Variants in LINGO1 observed in about 807,000 individuals in gnomAD.
LINGO1 encodes leucine rich repeat and Ig domain containing 1.
A neutral mutation model predicts 37.3 loss-of-function variants in LINGO1; 11 were observed. The observed-to-expected ratio is 0.29, with a 90% CI of 0.19 to 0.49. LINGO1 has a LOEUF of 0.49. Ranked by LOEUF, LINGO1 falls within the 20% of genes least tolerant of loss-of-function variation. The probability of loss-of-function intolerance (pLI) is 0.99; values close to 1 mark genes in which losing one functional copy is unlikely to be tolerated. For synonymous variants in LINGO1, 387 were observed against 403.0 expected, an observed-to-expected ratio of 0.96 and a Z score of 0.48; for missense variants, 585 against 878.2, an observed-to-expected ratio of 0.67 and a Z score of 4.22.
At chr15:77,680,686 C>T (rs2075399891) in intron 2 of LINGO1, among the ~76,000 whole-genome samples, 2 of 152,146 alleles carry the variant, frequency 1.3e-5, no homozygotes, top group Non-Finnish European at 2.9e-5. Flanking sequence ...AGGGCCTGAA[C>T]TTGACTTTAG....
In LINGO1 at chr15:77,665,017, C is replaced by T. The variant is rs115031829; in HGVS notation, c.-13+12072G>A. Among the ~76,000 whole-genome samples the T allele has an allele frequency of 7.7e-3, 1,168 of 152,226 alleles. 23 individuals carry two copies. Among genetic ancestry groups the T allele is most frequent in the African/African-American group, 0.027 (1,126 of 41,546 alleles). On this transcript the variant is annotated intron_variant, in intron 3 of 3. Coordinates refer to the LINGO1 transcript ENST00000559893. ...GTACACACGTGTGCCTGAGCTCATA[C>T]AGAGGTGGGCGCACATCTTGGTATA...
At chr15:77,652,494 G>GTGTGTA (rs1405119503) in intron 3 of LINGO1, among the ~76,000 whole-genome samples, 1 of 142,470 alleles carries the variant, frequency 7.0e-6, no homozygotes, top group African/African-American at 2.6e-5. Context: ...GTGTGTGTGT[G>GTGTGTA]TGTGTGTGTG....
intron 1 of LINGO1, among the ~76,000 whole-genome samples, chr15:77,744,852 A>G (rs1330589938): frequency 6.6e-6 from 1 of 152,126 alleles, no homozygotes; most frequent in Non-Finnish European, 1.5e-5. Flanking sequence ...ACAGTGGCTC[A>G]CGCCTGTAAT....
chr15:77,665,420 T>A (rs2075108336), intron 3 of LINGO1, among the ~76,000 whole-genome samples: 1 of 152,186 alleles, frequency 6.6e-6, no homozygotes, highest in Admixed American at 6.5e-5. Context: ...CCACTGCTTG[T>A]GTGTGACCCT....
At chr15:77,669,238 G>A (rs761719935) in intron 3 of LINGO1, among the ~76,000 whole-genome samples, 19 of 152,330 alleles carry the variant, frequency 1.2e-4, no homozygotes, top group Non-Finnish European at 2.5e-4. Context: ...GCCACTTTGG[G>A]ACATAGAGTG....
intron 3 of LINGO1, chr15:77,646,497 T>C (rs912909215): frequency 4.4e-6 from 2 of 454,434 alleles, no homozygotes; most frequent in Non-Finnish European, 8.9e-6. Flanking sequence ...CCCTCCTCTC[T>C]GCACCCCAAA....
chr15:77,775,774 T>C (rs1460618193), intron 1 of LINGO1, among the ~76,000 whole-genome samples: 1 of 151,582 alleles, frequency 6.6e-6, no homozygotes, highest in Non-Finnish European at 1.5e-5. Context: ...GTCTGAAAAT[T>C]TCTCCCAGCC....
intron 1 of LINGO1, among the ~76,000 whole-genome samples, chr15:77,620,546 G>A (rs1220458009): frequency 3.3e-5 from 5 of 152,270 alleles, no homozygotes; most frequent in African/African-American, 4.8e-5. Flanking sequence ...TGGCCAGCCT[G>A]CTGTGTGACC....
chr15:77,663,446 T>G (rs985954672), intron 3 of LINGO1, among the ~76,000 whole-genome samples: 1 of 152,138 alleles, frequency 6.6e-6, no homozygotes, highest in Admixed American at 6.5e-5. Context: ...ACTGGTGGGG[T>G]AGAACTCCAC....
intron 1 of LINGO1, among the ~76,000 whole-genome samples, chr15:77,623,082 CAG>C (rs2073974603): frequency 3.3e-5 from 5 of 152,352 alleles, no homozygotes; most frequent in Admixed American, 2.0e-4. Context: ...ATCAAAGGAA[CAG>C]AGAGAGCCCA....
intron 1 of LINGO1, among the ~76,000 whole-genome samples, chr15:77,813,536 A>T (rs1225178826): frequency 6.6e-6 from 1 of 152,130 alleles, no homozygotes. Flanking sequence ...CATGGTTTCC[A>T]CCAGGCTGCA....
intron 1 of LINGO1, among the ~76,000 whole-genome samples, chr15:77,618,222 C>T (rs1011584945): frequency 1.3e-5 from 2 of 152,226 alleles, no homozygotes; most frequent in Admixed American, 6.5e-5. Context: ...AGTGAGGACA[C>T]GGGCCACCCC....
Position 77,784,663 on chromosome 15 carries a change from T to C in LINGO1, c.-257+2206A>G, listed in dbSNP as rs192664666. The C allele has an allele frequency of 4.5e-4, 68 of 152,252 alleles. No homozygotes were observed. The East Asian group carries it at 8.7e-3, about 19-fold the overall frequency. 9.4% of individuals were successfully genotyped at this position (152,252 alleles called of 1,614,324 possible). ...ATTTTTCATTGTTTTGAGGAGCTCA[T>C]AGGTTTTAATTTGGAGCTGAGATTT... On this transcript the variant is annotated intron_variant, in intron 1 of 3. Coordinates refer to the LINGO1 transcript ENST00000561686.
intron 1 of LINGO1, among the ~76,000 whole-genome samples, chr15:77,695,428 C>A (rs537351848): frequency 1.2e-4 from 18 of 152,302 alleles, no homozygotes; most frequent in African/African-American, 4.3e-4. Flanking sequence ...CTGGAAGCCA[C>A]CCTCCTGATC....
intron 2 of LINGO1, among the ~76,000 whole-genome samples, chr15:77,723,713 A>T (rs2076073934): frequency 6.6e-6 from 1 of 152,104 alleles, no homozygotes; most frequent in African/African-American, 2.4e-5. Context: ...TGAGCAGCAC[A>T]AAGTGCCACA....
chr15:77,784,422 C>T (rs2076751901), intron 1 of LINGO1, among the ~76,000 whole-genome samples: 2 of 152,258 alleles, frequency 1.3e-5, no homozygotes, highest in African/African-American at 2.4e-5. Context: ...GCCCAGCAAG[C>T]GGCTGATGAG....
At chr15:77,734,737 C>G (rs570389111) in intron 2 of LINGO1, among the ~76,000 whole-genome samples, 1 of 152,062 alleles carries the variant, frequency 6.6e-6, no homozygotes, top group Non-Finnish European at 1.5e-5. Flanking sequence ...GGGCCCCCAG[C>G]GCCTATAACC....
chr15:77,803,678 G>C (rs2076937168), intron 1 of LINGO1, among the ~76,000 whole-genome samples: 1 of 151,860 alleles, frequency 6.6e-6, no homozygotes, highest in Non-Finnish European at 1.5e-5. Context: ...TCTGAGATCT[G>C]GCCGTTTGAA....
intron 2 of LINGO1, among the ~76,000 whole-genome samples, chr15:77,687,636 T>C (rs527318882): frequency 6.1e-4 from 93 of 152,332 alleles, no homozygotes; most frequent in Non-Finnish European, 1.1e-3. Context: ...ACAGTCAGCC[T>C]TCTAGCGTGG....
Sources: gnomAD v4.1 joint callset for allele counts (sites outside exome capture counted in the v4.1 genomes callset) on GRCh38, gnomAD v4.1.1 for gene constraint, MANE v1.5 for transcripts, NCBI Gene and HGNC (gene_info 2026-07-23, HGNC 2026-07-21) for gene names.